Variants in PPM1E observed in about 807,000 individuals in gnomAD.
PPM1E encodes the protein protein phosphatase, Mg2+/Mn2+ dependent 1E.
PPM1E carries 20 observed loss-of-function variants against 65.9 expected under a neutral mutation model. The ratio of observed to expected loss-of-function variants is 0.30; its 90% confidence interval spans 0.21 to 0.44. The LOEUF (loss-of-function observed/expected upper bound fraction) is 0.44. Among genes scored for constraint, PPM1E ranks in the 20% least tolerant of loss-of-function variants. The pLI is 1.00. For synonymous variants in PPM1E, 352 were observed against 374.9 expected, an observed-to-expected ratio of 0.94 and a Z score of 0.70; for missense variants, 713 against 953.1, an observed-to-expected ratio of 0.75 and a Z score of 3.32.
In PPM1E at chr17:58,942,766, T is replaced by A. The variant is rs1487137317; in HGVS notation, c.465-12883T>A. Among the ~76,000 whole-genome samples, 4 of 152,090 alleles carry A rather than the reference T, an allele frequency of 2.6e-5. No homozygotes were observed. In the Middle Eastern group the frequency reaches 0.01, roughly 388 times the overall value. The stretch of plus-strand genomic sequence containing the variant: ...GTGCAGCGCATCAGCATGGCACATG[T>A]ATACATATGTAACTAACCTGCACAT... On this transcript the variant is annotated intron_variant, in intron 1 of 6. Transcript: ENST00000308249.
chr17:58,888,355 CTT>C (rs1567865005), intron 1 of PPM1E, among the ~76,000 whole-genome samples: 8 of 137,186 alleles, frequency 5.8e-5, no homozygotes, highest in African/African-American at 1.9e-4. Context: ...CTTTTGGACT[CTT>C]CTCTCTTTTT....
chr17:58,759,363 T>A (rs2049801218), intron 1 of PPM1E, among the ~76,000 whole-genome samples: 1 of 152,236 alleles, frequency 6.6e-6, no homozygotes, highest in Admixed American at 6.5e-5. Context: ...AAGGAGAGGC[T>A]GCCCTTTGAA....
chr17:58,868,458 G>A (rs891626046), intron 1 of PPM1E, among the ~76,000 whole-genome samples: 7 of 152,022 alleles, frequency 4.6e-5, no homozygotes, highest in African/African-American at 1.7e-4. Context: ...AGTGAGAAGA[G>A]GGAAGTTCCC....
chr17:58,788,089 C>T (rs528770441), intron 1 of PPM1E, among the ~76,000 whole-genome samples: 64 of 151,990 alleles, frequency 4.2e-4, no homozygotes, highest in Middle Eastern at 6.8e-3. Flanking sequence ...CTTACTCTGT[C>T]GCCCAAGCTG....
intron 1 of PPM1E, among the ~76,000 whole-genome samples, chr17:58,947,385 C>T (rs2052173583): frequency 6.6e-6 from 1 of 151,438 alleles, no homozygotes; most frequent in African/African-American, 2.4e-5. Context: ...TATAGGCGTG[C>T]ACCACCACAC....
At chr17:58,945,356 TG>T (rs1397825404) in intron 1 of PPM1E, among the ~76,000 whole-genome samples, 1 of 152,202 alleles carries the variant, frequency 6.6e-6, no homozygotes, top group Non-Finnish European at 1.5e-5. Context: ...TTGGCCAGGC[TG>T]GTCTCGAACT....
At chr17:58,978,146 G>A (rs750129607) in intron 6 of PPM1E, among the ~76,000 whole-genome samples, 1 of 152,100 alleles carries the variant, frequency 6.6e-6, no homozygotes, top group African/African-American at 2.4e-5. Flanking sequence ...CAAAAAGTTC[G>A]GTTTTAGTGC....
intron 1 of PPM1E, among the ~76,000 whole-genome samples, chr17:58,930,968 C>CT (rs927491909): frequency 3.3e-5 from 5 of 149,956 alleles, no homozygotes; most frequent in African/African-American, 9.8e-5. Flanking sequence ...AATCCCAGCA[C>CT]TTTGGGAGGC....
At chr17:58,838,547 T>A (rs915629296) in intron 1 of PPM1E, among the ~76,000 whole-genome samples, 1 of 152,154 alleles carries the variant, frequency 6.6e-6, no homozygotes, top group African/African-American at 2.4e-5. Context: ...CAAAAGAAAC[T>A]CTCATCTTTG....
At chr17:58,814,915 A>T (rs1050037091) in intron 1 of PPM1E, among the ~76,000 whole-genome samples, 4 of 152,208 alleles carry the variant, frequency 2.6e-5, no homozygotes, top group Admixed American at 1.3e-4. Flanking sequence ...TGAACCCTTT[A>T]GTTGTGCAAT....
At chr17:58,830,851 A>T (rs565804365) in intron 1 of PPM1E, among the ~76,000 whole-genome samples, 1 of 151,078 alleles carries the variant, frequency 6.6e-6, no homozygotes, top group South Asian at 2.1e-4. Flanking sequence ...TGCCTGGCTG[A>T]TTTTTGTATT....
At chr17:58,890,010 G>A (rs920750902) in intron 1 of PPM1E, among the ~76,000 whole-genome samples, 1 of 152,090 alleles carries the variant, frequency 6.6e-6, no homozygotes, top group African/African-American at 2.4e-5. Context: ...TAAACACACA[G>A]TTGCTTCTCA....
At chr17:58,887,309 C>A in intron 1 of PPM1E, among the ~76,000 whole-genome samples, 1 of 151,966 alleles carries the variant, frequency 6.6e-6, no homozygotes. Context: ...AGATTACAGG[C>A]ATGCGCCACC....
intron 1 of PPM1E, among the ~76,000 whole-genome samples, chr17:58,915,958 G>A (rs2051678683): frequency 6.6e-6 from 1 of 152,034 alleles, no homozygotes; most frequent in South Asian, 2.1e-4. Flanking sequence ...CTTTACCTAT[G>A]TCTACTATTC....
rs1431574506 is a variant in PPM1E, at chr17:58,985,102, T to C, written c.*4071T>C. On this transcript the variant is annotated 3_prime_UTR_variant, in exon 7 of 7. Transcript: ENST00000308249. ...GTCATGAGTGATCCTTCATATTTTA[T>C]TAAAAGTGTTCATTCAGGTAAGGTG... 1 of 152,666 alleles carries C rather than the reference T, an allele frequency of 6.6e-6. No homozygotes were observed. The highest frequency in any genetic ancestry group is 2.4e-5 in the African/African-American group (1 of 41,464). 9.5% of individuals were successfully genotyped at this position (152,666 alleles called of 1,614,324 possible).
At chr17:58,893,411 CTG>C (rs1371670599) in intron 1 of PPM1E, among the ~76,000 whole-genome samples, 1 of 152,116 alleles carries the variant, frequency 6.6e-6, no homozygotes, top group East Asian at 1.9e-4. Flanking sequence ...AAAGACAAAA[CTG>C]TGGAGACAAC....
At chr17:58,824,810 G>A (rs1380686407) in intron 1 of PPM1E, among the ~76,000 whole-genome samples, 5 of 148,498 alleles carry the variant, frequency 3.4e-5, no homozygotes, top group East Asian at 2.0e-4. Context: ...GAGTTTCACC[G>A]TGTTAGCCAG....
intron 1 of PPM1E, among the ~76,000 whole-genome samples, chr17:58,811,031 T>C (rs2143094977): frequency 6.6e-6 from 1 of 152,246 alleles, no homozygotes; most frequent in South Asian, 2.1e-4. Flanking sequence ...AAAATTTTTG[T>C]ATTTTTGGTA....
At chr17:58,935,711 G>A (rs368864886) in intron 1 of PPM1E, among the ~76,000 whole-genome samples, 4 of 152,292 alleles carry the variant, frequency 2.6e-5, no homozygotes. Flanking sequence ...ATTCACAGAA[G>A]ACTTAGGATA....
Sources: allele counts gnomAD v4.1 joint callset (sites outside exome capture counted in the v4.1 genomes callset), GRCh38; gene constraint gnomAD v4.1.1; transcripts MANE v1.5; gene names NCBI Gene and HGNC (gene_info 2026-07-23, HGNC 2026-07-21).